Variants in SLC9A9 observed in about 807,000 individuals in gnomAD.
The protein encoded by SLC9A9 is sodium/hydrogen exchanger 9.
In SLC9A9, 62 loss-of-function variants were observed where a neutral mutation model predicts 77.8. The ratio of observed to expected loss-of-function variants is 0.80; its 90% confidence interval spans 0.65 to 0.98. SLC9A9 has a LOEUF of 0.98. SLC9A9 is among the 50% of genes least tolerant of loss of function. The pLI is 0.00. For missense variants in SLC9A9, 775 were observed against 774.9 expected (o/e 1.00, Z 0.00); for synonymous variants, 320 against 283.5 (o/e 1.13, Z -1.29).
chr3:143,374,547 C>CAT (rs1314749874), intron 13 of SLC9A9, among the ~76,000 whole-genome samples: 1 of 150,936 alleles, frequency 6.6e-6, no homozygotes, highest in Non-Finnish European at 1.5e-5. Flanking sequence ...CAGTGAAAAG[C>CAT]ATATTAAGCA....
At chr3:143,760,664 A>G (rs542853863) in intron 4 of SLC9A9, among the ~76,000 whole-genome samples, 8 of 152,334 alleles carry the variant, frequency 5.3e-5, no homozygotes, top group Admixed American at 3.3e-4. Context: ...AAGGAGAACT[A>G]CAAAACACTG....
At chr3:143,436,276 C>T (rs769585940) in intron 12 of SLC9A9, among the ~76,000 whole-genome samples, 10 of 152,218 alleles carry the variant, frequency 6.6e-5, no homozygotes, top group Admixed American at 1.3e-4. Context: ...GCATGACCTC[C>T]TTCTCACAGG....
At position 143,622,418 on chromosome 3, in the gene SLC9A9, C is replaced by T. The variant is rs868023284; in HGVS notation, c.755+29837G>A. On this transcript the variant is annotated intron_variant, in intron 6 of 15. Transcript: ENST00000316549. ...CCCATCAGACTAACAGCTGATCTCT[C>T]GGCAGAAACTCTACAAGCCAGAAGA... is the stretch of plus-strand genomic sequence containing the variant. 5.6e-3 allele frequency among the ~76,000 whole-genome samples: 847 copies of T among 152,146 alleles called. 12 individuals are homozygous for T. Among genetic ancestry groups the T allele is most frequent in the African/African-American group, 0.018 (760 of 41,518 alleles).
intron 14 of SLC9A9, among the ~76,000 whole-genome samples, chr3:143,291,367 C>T (rs1004776342): frequency 5.3e-5 from 8 of 152,148 alleles, no homozygotes; most frequent in East Asian, 1.9e-4. Context: ...AAAACCTTTC[C>T]GGCCTCAAAG....
chr3:143,650,156 C>G (rs145345192), intron 6 of SLC9A9, among the ~76,000 whole-genome samples: 1 of 152,088 alleles, frequency 6.6e-6, no homozygotes, highest in Non-Finnish European at 1.5e-5. Context: ...AGATACCACT[C>G]AGAGAGTTGT....
chr3:143,681,396 A>G (rs1337484529), intron 5 of SLC9A9, among the ~76,000 whole-genome samples: 1 of 152,186 alleles, frequency 6.6e-6, no homozygotes, highest in Non-Finnish European at 1.5e-5. Context: ...CTTATAATGT[A>G]TCGATGTAAC....
intron 14 of SLC9A9, among the ~76,000 whole-genome samples, chr3:143,297,600 A>G (rs1003071918): frequency 1.3e-5 from 2 of 152,206 alleles, no homozygotes; most frequent in Admixed American, 6.5e-5. Flanking sequence ...CTTTGCTAGT[A>G]TGGACATATT....
intron 5 of SLC9A9, among the ~76,000 whole-genome samples, chr3:143,658,274 A>C (rs1335155733): frequency 2.6e-5 from 4 of 152,332 alleles, no homozygotes; most frequent in Middle Eastern, 3.4e-3. Flanking sequence ...CCACTGCCCT[A>C]AGGCATTTGT....
At chr3:143,729,809 C>T (rs1402523816) in intron 4 of SLC9A9, among the ~76,000 whole-genome samples, 1 of 152,182 alleles carries the variant, frequency 6.6e-6, no homozygotes, top group Non-Finnish European at 1.5e-5. Context: ...CTTTCCCAGC[C>T]TGGCAACCTT....
intron 12 of SLC9A9, among the ~76,000 whole-genome samples, chr3:143,394,908 T>C (rs2033687441): frequency 6.6e-6 from 1 of 152,152 alleles, no homozygotes; most frequent in Non-Finnish European, 1.5e-5. Flanking sequence ...GAAGGACCTC[T>C]TCAAGGAGAG....
chr3:143,589,657 C>T (rs1559982541), intron 6 of SLC9A9, among the ~76,000 whole-genome samples: 1 of 152,170 alleles, frequency 6.6e-6, no homozygotes, highest in Non-Finnish European at 1.5e-5. Context: ...CCTAACAAAG[C>T]ATTTCTTAGA....
chr3:143,681,597 T>C (rs368036273), intron 5 of SLC9A9, among the ~76,000 whole-genome samples: 6 of 152,262 alleles, frequency 3.9e-5, no homozygotes, highest in African/African-American at 1.4e-4. Flanking sequence ...CATGTGCAAC[T>C]AACGTTGCTG....
intron 12 of SLC9A9, among the ~76,000 whole-genome samples, chr3:143,461,062 C>T (rs2035182282): frequency 6.6e-6 from 1 of 152,060 alleles, no homozygotes; most frequent in South Asian, 2.1e-4. Context: ...ACAAAGTATA[C>T]AAATTTGCAG....
intron 6 of SLC9A9, among the ~76,000 whole-genome samples, chr3:143,585,001 G>T (rs1015944619): frequency 6.6e-6 from 1 of 152,188 alleles, no homozygotes; most frequent in African/African-American, 2.4e-5. Flanking sequence ...CTTTATGGGC[G>T]TAACTGCTTG....
At chr3:143,821,715 T>C (rs1325879707) in intron 2 of SLC9A9, among the ~76,000 whole-genome samples, 1 of 152,224 alleles carries the variant, frequency 6.6e-6, no homozygotes, top group Non-Finnish European at 1.5e-5. Flanking sequence ...TAAATACTCC[T>C]ATTATGGCCC....
chr3:143,499,152 G>C (rs1340994156), intron 9 of SLC9A9, among the ~76,000 whole-genome samples: 1 of 152,120 alleles, frequency 6.6e-6, no homozygotes, highest in Non-Finnish European at 1.5e-5. Flanking sequence ...TTTGCCTCTT[G>C]ATATTGCCAC....
At chr3:143,794,679 G>T (rs565447409) in intron 4 of SLC9A9, among the ~76,000 whole-genome samples, 2 of 152,214 alleles carry the variant, frequency 1.3e-5, no homozygotes, top group East Asian at 3.9e-4. Flanking sequence ...AGACAAAAAA[G>T]AATGCAGTGA....
intron 4 of SLC9A9, among the ~76,000 whole-genome samples, chr3:143,761,931 G>A (rs2007139025): frequency 6.6e-6 from 1 of 152,118 alleles, no homozygotes; most frequent in Admixed American, 6.5e-5. Flanking sequence ...GCAAAGACAT[G>A]GAACCAACCC....
Position 143,848,275 on chromosome 3 carries a change from A to G in SLC9A9, c.48T>C (p.Phe16=). 2.5e-6 allele frequency: 4 copies of G among 1,614,040 alleles called. No homozygotes were observed. The highest frequency in any genetic ancestry group is 3.4e-6 in the Non-Finnish European group (4 of 1,179,944). ...GCAGCTCCACCGCTCCCTGATGTTG[A>G]AACTGATACTCATCCTTTTCTGACA... ...RVMSEKDEYQ[F]QHQGAVELLV... is the part of the protein sequence containing the mutation. Residue 16 remains phenylalanine (F), a synonymous_variant, in exon 1 of 16, where the codon TTT becomes TTC. Coordinates refer to ENST00000316549, the MANE Select transcript of SLC9A9 (RefSeq NM_173653.4).
Sources: gnomAD v4.1 joint callset for allele counts (sites outside exome capture counted in the v4.1 genomes callset) on GRCh38, gnomAD v4.1.1 for gene constraint, MANE v1.5 for transcripts, NCBI Gene and HGNC (gene_info 2026-07-23, HGNC 2026-07-21) for gene names.